SPECC1L: variants seen among roughly 807,000 people sequenced by gnomAD.
SPECC1L encodes sperm antigen with calponin homology and coiled-coil domains 1 like.
In SPECC1L, 40 loss-of-function variants were observed where a neutral mutation model predicts 116.8. That is an observed-to-expected ratio of 0.34 (90% CI 0.27 to 0.45). SPECC1L has a LOEUF of 0.45. Ranked by LOEUF, SPECC1L falls within the 20% of genes least tolerant of loss-of-function variation. SPECC1L has a pLI of 1.00. For synonymous variants in SPECC1L, 504 were observed against 500.6 expected, an observed-to-expected ratio of 1.01 and a Z score of -0.09; for missense variants, 1,110 against 1,373.6, an observed-to-expected ratio of 0.81 and a Z score of 3.03.
chr22:24,279,405 T>C (rs1479275652), intron 2 of SPECC1L, among the ~76,000 whole-genome samples: 1 of 152,208 alleles, frequency 6.6e-6, no homozygotes, highest in African/African-American at 2.4e-5. Flanking sequence ...TTATTTTATT[T>C]TAATTTAGAG....
intron 6 of SPECC1L, among the ~76,000 whole-genome samples, chr22:24,325,424 TAGTCATGACTGTAG>T (rs2040799037): frequency 6.6e-6 from 1 of 152,200 alleles, no homozygotes; most frequent in South Asian, 2.1e-4. Flanking sequence ...AGTAAAAACG[TAGTCATGACTGTAG>T]AGATTGTAAA....
chr22:24,298,039 C>T (rs2049301096), intron 2 of SPECC1L, among the ~76,000 whole-genome samples: 1 of 152,032 alleles, frequency 6.6e-6, no homozygotes, highest in Non-Finnish European at 1.5e-5. Context: ...ATACATGGTC[C>T]CCAACTTACT....
At chr22:24,347,804 T>C (rs1328147850) in intron 11 of SPECC1L, among the ~76,000 whole-genome samples, 2 of 152,132 alleles carry the variant, frequency 1.3e-5, no homozygotes, top group Admixed American at 1.3e-4. Context: ...GCCTCCCGAA[T>C]AGCTGGGACT....
At chr22:24,352,911 CACTT>C (rs1210604971) in intron 11 of SPECC1L, among the ~76,000 whole-genome samples, 12 of 152,146 alleles carry the variant, frequency 7.9e-5, no homozygotes, top group African/African-American at 2.7e-4. Context: ...GTGAATTATC[CACTT>C]ACTTACAGCC....
rs200078151 is a variant in SPECC1L at position 24,322,285 on chromosome 22, C to T, written c.1305C>T (p.Asn435=). Residue 435 remains asparagine (N), a synonymous_variant, in exon 5 of 17, where the codon AAC becomes AAT. Transcript: ENST00000314328. ...QQITQELNSE[N]ERLGEEKVIL... Reference sequence around the variant, plus strand: ...TTACCCAGGAACTGAATAGTGAAAACGAAAGGCTTGGAGAAGAGAAGGTTA... The same window carrying T: ...TTACCCAGGAACTGAATAGTGAAAATGAAAGGCTTGGAGAAGAGAAGGTTA... 5.5e-5 allele frequency: 88 copies of T among 1,614,192 alleles called. No homozygotes were observed. Among genetic ancestry groups the T allele is most frequent in the Non-Finnish European group, 7.0e-5 (83 of 1,180,048 alleles).
rs1261510191 is a variant in SPECC1L, at chr22:24,369,159, TTTCTC to T, written c.2985-56_2985-52del. The T allele has an allele frequency of 2.3e-5, 28 of 1,237,174 alleles. No homozygotes were observed. The Middle Eastern group carries it at 5.6e-4, about 25-fold the overall frequency. 76.6% of individuals were successfully genotyped at this position (1,237,174 alleles called of 1,614,324 possible). On this transcript the variant is annotated intron_variant, in intron 13 of 16. Coordinates refer to ENST00000314328, the MANE Select transcript of SPECC1L (RefSeq NM_015330.6). ...GTTTAAAAATGCAAACTTTAATACT[TTTCTC>T]TTATTCTGGTGCCCAAACAAAAAAT...
intron 4 of SPECC1L, among the ~76,000 whole-genome samples, chr22:24,317,263 T>C (rs1204655461): frequency 4.3e-5 from 4 of 92,560 alleles, no homozygotes; most frequent in South Asian, 3.6e-4. Context: ...GGCGGGGGGC[T>C]GACCCCCCCC....
intron 14 of SPECC1L, among the ~76,000 whole-genome samples, chr22:24,382,442 C>T (rs1238394909): frequency 2.0e-5 from 3 of 152,028 alleles, no homozygotes; most frequent in Non-Finnish European, 4.4e-5. Context: ...CGGTGGCTCC[C>T]GCCTGTAATC....
chr22:24,339,278 A>G (rs921542213), intron 10 of SPECC1L, among the ~76,000 whole-genome samples: 1 of 152,196 alleles, frequency 6.6e-6, no homozygotes, highest in Non-Finnish European at 1.5e-5. Context: ...GGACAGTGAC[A>G]CTTCTGTCCT....
chr22:24,296,454 G>A (rs963467882), intron 2 of SPECC1L, among the ~76,000 whole-genome samples: 2 of 152,254 alleles, frequency 1.3e-5, no homozygotes, highest in Admixed American at 1.3e-4. Flanking sequence ...AGAACACAGA[G>A]GCAGGATCCA....
rs574832828 is a variant in SPECC1L, at chr22:24,307,158, G to C, written c.153+4774G>C. The stretch of plus-strand genomic sequence containing the variant: ...AAGGCCCTGCTTTCAATTTTGGGGG[G>C]GGTATATACCCGTAGGTGGAATTGC... On this transcript the variant is annotated intron_variant, in intron 3 of 16. Coordinates refer to ENST00000314328, the MANE Select transcript of SPECC1L (RefSeq NM_015330.6). 6.6e-5 allele frequency among the ~76,000 whole-genome samples: 10 copies of C among 152,224 alleles called. No individual in the cohort carries two copies. The East Asian group carries it at 1.3e-3, about 21-fold the overall frequency.
At chr22:24,367,992 T>A (rs2041804708) in intron 13 of SPECC1L, among the ~76,000 whole-genome samples, 1 of 152,104 alleles carries the variant, frequency 6.6e-6, no homozygotes, top group African/African-American at 2.4e-5. Context: ...CTGTTCCACT[T>A]CCAGAGTGTG....
intron 3 of SPECC1L, among the ~76,000 whole-genome samples, chr22:24,308,601 A>G (rs1253401914): frequency 6.6e-6 from 1 of 152,226 alleles, no homozygotes; most frequent in Non-Finnish European, 1.5e-5. Context: ...TCGCTCTTGT[A>G]ATTAATAAGT....
At chr22:24,346,751 A>G (rs1280073778) in intron 10 of SPECC1L, among the ~76,000 whole-genome samples, 1 of 152,168 alleles carries the variant, frequency 6.6e-6, no homozygotes, top group Non-Finnish European at 1.5e-5. Flanking sequence ...TAATGACTAT[A>G]TCAGTATTTG....
intron 2 of SPECC1L, among the ~76,000 whole-genome samples, chr22:24,299,487 C>A (rs1338266999): frequency 1.3e-5 from 2 of 152,118 alleles, no homozygotes; most frequent in African/African-American, 4.8e-5. Context: ...TAAGAACCAG[C>A]CGGTCTAAGT....
intron 2 of SPECC1L, among the ~76,000 whole-genome samples, chr22:24,283,347 G>A (rs2146343329): frequency 6.6e-6 from 1 of 152,302 alleles, no homozygotes; most frequent in African/African-American, 2.4e-5. Flanking sequence ...CAAAGTGCTG[G>A]GATTACAGGC....
At chr22:24,274,087 A>G (rs1463373861) in intron 1 of SPECC1L, among the ~76,000 whole-genome samples, 1 of 152,224 alleles carries the variant, frequency 6.6e-6, no homozygotes, top group African/African-American at 2.4e-5. Flanking sequence ...TGTGCCAACA[A>G]ATAAGCCTAG....
intron 11 of SPECC1L, among the ~76,000 whole-genome samples, chr22:24,358,260 G>C (rs958737106): frequency 3.3e-5 from 5 of 151,664 alleles, no homozygotes; most frequent in African/African-American, 1.2e-4. Context: ...GGCTACAGGT[G>C]TGCACCACCA....
At chr22:24,364,948 A>G (rs940747581) in intron 12 of SPECC1L, among the ~76,000 whole-genome samples, 2 of 152,180 alleles carry the variant, frequency 1.3e-5, no homozygotes, top group African/African-American at 2.4e-5. Context: ...CTCCTTGTCT[A>G]TAAGGAATAT....
Sources: gnomAD v4.1 joint callset for allele counts (sites outside exome capture counted in the v4.1 genomes callset) on GRCh38, gnomAD v4.1.1 for gene constraint, MANE v1.5 for transcripts, NCBI Gene and HGNC (gene_info 2026-07-23, HGNC 2026-07-21) for gene names.